The following PRKAG3 variants were observed in gnomAD, a reference collection of about 807,000 sequenced individuals.
PRKAG3 encodes the protein protein kinase AMP-activated non-catalytic subunit gamma 3, also known as 5'-AMP-activated protein kinase subunit gamma-3.
A neutral mutation model predicts 56.5 loss-of-function variants in PRKAG3; 39 were observed. The observed-to-expected ratio is 0.69, with a 90% CI of 0.53 to 0.90. PRKAG3 has a LOEUF of 0.90. Among genes scored for constraint, PRKAG3 ranks in the 40% least tolerant of loss-of-function variants. PRKAG3 has a pLI of 0.00. For missense variants in PRKAG3, 628 were observed against 627.5 expected, an observed-to-expected ratio of 1.00 and a Z score of -0.01; for synonymous variants, 243 against 250.1, an observed-to-expected ratio of 0.97 and a Z score of 0.27.
chr2:218,830,218 A>G (rs1943998992), exon 4 of PRKAG3: 5 of 1,614,012 alleles, frequency 3.1e-6, no homozygotes, highest in Non-Finnish European at 4.2e-6. Flanking sequence ...GCTCCACATC[A>G]TCTGTGCTGG....
In PRKAG3 at chr2:218,830,228, G is replaced by C; in HGVS notation, c.383C>G (p.Ser128Cys). ...GGCCAGCTCCACATCATCTGTGCTG[G>C]AGCCTGCAGCTGAGGCTGTACAGTC... Residue 128 changes from serine to cysteine, a missense_variant, in exon 4 of 13, where the codon TCC (serine) becomes TGC (cysteine). Coordinates refer to ENST00000529249, the Ensembl canonical transcript of PRKAG3. 2 of 1,614,040 alleles carry C rather than the reference G, an allele frequency of 1.2e-6. No homozygotes were observed. Among genetic ancestry groups the C allele is most frequent in the Non-Finnish European group, 1.7e-6 (2 of 1,180,008 alleles).
chr2:218,824,002 CAGT>C, intron 12 of PRKAG3, 124 bp from the exon 13 acceptor site: 3 of 1,234,498 alleles, frequency 2.4e-6, no homozygotes, highest in Non-Finnish European at 3.5e-6. Context: ...TCCTAGAAAC[CAGT>C]TAGGGATGGT....
chr2:218,827,818 C>T lies in PRKAG3; in HGVS notation c.820+15G>A, dbSNP rs1943957673. On this transcript the variant is annotated intron_variant, in intron 7 of 12. Transcript: ENST00000529249. The surrounding 1 kb of genome is among the most constrained non-coding windows in gnomAD (Gnocchi z 5.3). Reference sequence around the variant, plus strand: ...CATCACCAACAGCCCTTTCCGGGTTCCTCTCCCCACTCACCCCTCCAGGTC... The same window carrying T: ...CATCACCAACAGCCCTTTCCGGGTTTCTCTCCCCACTCACCCCTCCAGGTC... The T allele has an allele frequency of 6.2e-7, 1 of 1,613,202 alleles. No individual in the cohort carries two copies. The highest frequency in any genetic ancestry group is 1.3e-5 in the African/African-American group (1 of 74,918).
chr2:218,828,141 C>G, intron 5 of PRKAG3, 79 bp from the exon 6 acceptor site: 1 of 1,295,164 alleles, frequency 7.7e-7, no homozygotes, highest in African/African-American at 1.5e-5. Context: ...CCCTCCCCAC[C>G]CTGCCAGTGT....
In PRKAG3 at chr2:218,824,690, G is replaced by C. The variant is rs2105985797; in HGVS notation, c.1169-114C>G. 3 of 926,728 alleles carry C rather than the reference G, an allele frequency of 3.2e-6. No individual in the cohort carries two copies. In the South Asian group the frequency reaches 4.0e-5, roughly 12 times the overall value. The allele number at this position is 926,728 out of a possible 1,614,324, so 57.4% of individuals were successfully genotyped here. A position where few individuals can be genotyped will look rare whatever the true frequency, so the allele number is the denominator to read the frequency against. On this transcript the variant is annotated intron_variant, in intron 10 of 12. Coordinates refer to ENST00000529249, the Ensembl canonical transcript of PRKAG3. ...TATTTGCATCAGGGTGCCACTACCA[G>C]AACCCAAGGATCAAACTTAGCATCC...
In PRKAG3 at chr2:218,829,976, A is replaced by C; in HGVS notation, c.633+2T>G. The C allele has an allele frequency of 1.2e-6, 2 of 1,612,624 alleles. No homozygotes were observed. Among genetic ancestry groups the C allele is most frequent in the Non-Finnish European group, 1.7e-6 (2 of 1,179,984 alleles). ...ACAGGTTGGGCAGAGCCGTGGCCTC[A>C]CCTCCAGCATGGTGTCGAAGATGAC... On this transcript the variant is annotated splice_donor_variant, in intron 4 of 12. Coordinates refer to ENST00000529249, the Ensembl canonical transcript of PRKAG3. LOFTEE classifies it high-confidence loss of function.
chr2:218,824,601 G>T (rs746294524), intron 10 of PRKAG3, 25 bp from the exon 11 acceptor site: 18 of 1,599,298 alleles, frequency 1.1e-5, no homozygotes, highest in Admixed American at 5.0e-5. Flanking sequence ...TGTGGGGGGT[G>T]GGGGGAGAAA....
In PRKAG3 at chr2:218,831,308, G is replaced by T. The variant is rs3731874; in HGVS notation, c.73+28C>A. ...GACAAGGAGGTGGGGGAAGAGGTTA[G>T]GCCCCAGGGAGGGGGCATTCTCCCT... On this transcript the variant is annotated intron_variant, in intron 2 of 12. Transcript: ENST00000529249. 1.7e-4 allele frequency: 261 copies of T among 1,555,368 alleles called. 2 individuals carry two copies. The East Asian group carries it at 5.8e-3, about 35-fold the overall frequency.
exon 12 of PRKAG3, chr2:218,824,263 C>T (rs137937282): frequency 3.4e-5 from 55 of 1,614,024 alleles, no homozygotes; most frequent in Non-Finnish European, 4.2e-5. Context: ...CCCAAGCTCT[C>T]GTGGGGCTGG....
chr2:218,823,690 G>A (rs1200338850), exon 13 of PRKAG3: 3 of 1,608,142 alleles, frequency 1.9e-6, no homozygotes, highest in Non-Finnish European at 2.5e-6. Context: ...GGAAGATGAA[G>A]GCTGAGTTCT....
exon 5 of PRKAG3, chr2:218,828,543 C>T: frequency 1.2e-6 from 2 of 1,613,804 alleles, no homozygotes; most frequent in Non-Finnish European, 1.7e-6. Flanking sequence ...TTCTTGCTGT[C>T]CCATAGAGGG....
In PRKAG3 at chr2:218,831,324, C is replaced by A; in HGVS notation, c.73+12G>T. The A allele has an allele frequency of 6.3e-7, 1 of 1,582,316 alleles. No homozygotes were observed. Among genetic ancestry groups the A allele is most frequent in the Non-Finnish European group, 8.6e-7 (1 of 1,162,140 alleles). ...AAGAGGTTAGGCCCCAGGGAGGGGG[C>A]ATTCTCCCTACCTTGATGCTCAGAA... On this transcript the variant is annotated intron_variant, in intron 2 of 12. Transcript: ENST00000529249.
chr2:218,827,647 G>C lies in PRKAG3; in HGVS notation c.821-18C>G. The C allele has an allele frequency of 6.2e-7, 1 of 1,613,746 alleles. No individual in the cohort carries two copies. The highest frequency in any genetic ancestry group is 8.5e-7 in the Non-Finnish European group (1 of 1,179,796). ...GTAGATCTCTGCAGAAAGAGCCAGA[G>C]TCAGGCCAGGGGAGCCGGTCACCTG... On this transcript the variant is annotated intron_variant, in intron 7 of 12. Coordinates refer to ENST00000529249, the Ensembl canonical transcript of PRKAG3. This position sits in a 1 kb window ranked among gnomAD's most constrained non-coding sequence, Gnocchi z 5.3.
At chr2:218,830,688 C>T (rs1944008071) in intron 3 of PRKAG3, 58 bp downstream of exon 3, 9 of 1,580,342 alleles carry the variant, frequency 5.7e-6, no homozygotes, top group Admixed American at 3.5e-5. Context: ...GACCCAGGCT[C>T]CTCTGGGATT....
At chr2:218,831,598 T>C in intron 1 of PRKAG3, 140 bp downstream of exon 1, 2 of 1,181,984 alleles carry the variant, frequency 1.7e-6, no homozygotes, top group Non-Finnish European at 2.4e-6. Flanking sequence ...TGCCCAAACA[T>C]GCACATGCCC....
At chr2:218,826,942 A>G (rs767771448) in exon 10 of PRKAG3, 1 of 1,614,132 alleles carries the variant, frequency 6.2e-7, no homozygotes, top group South Asian at 1.1e-5. Flanking sequence ...TTCGTTGACC[A>G]CAGGCAGTGC....
chr2:218,830,624 A>C, intron 3 of PRKAG3, 122 bp downstream of exon 3: 2 of 1,308,632 alleles, frequency 1.5e-6, no homozygotes, highest in Non-Finnish European at 2.1e-6. Flanking sequence ...CTGAGGCCAC[A>C]AGATGAAGGT....
chr2:218,827,085 C>A lies in PRKAG3; in HGVS notation c.1011G>T (p.Leu337=), dbSNP rs1456874099. ...GGTAGAGGAAGGAGGGCCGGGGCAG[C>A]AGGGAACCCTGGTTAGGATGGGGAC... Residue 337 remains leucine, a synonymous_variant, in exon 10 of 13, where the codon CTG becomes CTT. Coordinates refer to ENST00000529249, the Ensembl canonical transcript of PRKAG3. This position sits in a 1 kb window ranked among gnomAD's most constrained non-coding sequence, Gnocchi z 5.3. 6.2e-7 allele frequency: 1 copy of A among 1,613,218 alleles called. No homozygotes were observed. The highest frequency in any genetic ancestry group is 8.5e-7 in the Non-Finnish European group (1 of 1,180,022).
chr2:218,827,919 G>C lies in PRKAG3; in HGVS notation c.775-41C>G. The C allele has an allele frequency of 6.2e-7, 1 of 1,612,178 alleles. No individual in the cohort carries two copies. ...GGACTCCAGAAGTCAGAAAGACGTG[G>C]GCTTCTAGGGCACCAGGCTCCAGGA... is the stretch of plus-strand genomic sequence containing the variant. On this transcript the variant is annotated intron_variant, in intron 6 of 12. Coordinates refer to ENST00000529249, the Ensembl canonical transcript of PRKAG3. The surrounding 1 kb of genome is among the most constrained non-coding windows in gnomAD (Gnocchi z 5.3).
Sources: allele counts gnomAD v4.1 joint callset, GRCh38; gene constraint gnomAD v4.1.1; non-coding constraint Gnocchi (gnomAD v3.1); transcripts MANE v1.5; gene names NCBI Gene and HGNC (gene_info 2026-07-23, HGNC 2026-07-21).